MEP1B: variants seen among roughly 807,000 people sequenced by gnomAD.
MEP1B encodes the protein meprin A subunit beta.
Under a neutral mutation model 84.6 loss-of-function variants are expected in MEP1B, and 80 were observed. The ratio of observed to expected loss-of-function variants is 0.95; its 90% CI spans 0.79 to 1.14. MEP1B has a LOEUF of 1.14. MEP1B is among the 50% of genes most tolerant of loss of function. MEP1B has a pLI of 0.00. For synonymous variants in MEP1B, 273 were observed against 288.1 expected (o/e 0.95, Z 0.53); for missense variants, 766 against 855.1 (o/e 0.90, Z 1.30).
chr18:32,195,544 T>C (rs371959992), intron 5 of MEP1B, 59 bp downstream of exon 5: 6 of 1,188,494 alleles, frequency 5.0e-6, no homozygotes, highest in South Asian at 1.3e-5. Flanking sequence ...AATATGATTA[T>C]AGTGTTTCAA....
At chr18:32,204,650 A>G (rs2040946694) in intron 7 of MEP1B, among the ~76,000 whole-genome samples, 1 of 152,168 alleles carries the variant, frequency 6.6e-6, no homozygotes, top group Non-Finnish European at 1.5e-5. Flanking sequence ...TAGTTTTGCA[A>G]ATCCCCAAGT....
chr18:32,202,300 C>T lies in MEP1B; in HGVS notation c.251-593C>T, dbSNP rs146091762. 1.9e-3 allele frequency among the ~76,000 whole-genome samples: 291 copies of T among 152,278 alleles called. 1 individual carries two copies. Among genetic ancestry groups the T allele is most frequent in the Non-Finnish European group, 3.2e-3 (216 of 68,022 alleles). On this transcript the variant is annotated intron_variant, in intron 5 of 14. Transcript: ENST00000269202. ...TTCCTGCATGTTGTTTCTTCCACAC[C>T]TCTGCCTTCTTTGAGCTCCATATCC... is the stretch of plus-strand genomic sequence containing the variant.
chr18:32,215,746 C>A lies in MEP1B; in HGVS notation c.1759+485C>A, dbSNP rs759380153. Reference sequence around the variant, plus strand: ...GGCTGAGGCAGGAGAATGGTGTGAACCCGGGAGGCGGAGCTTGCAGTGAGC... The same window carrying A: ...GGCTGAGGCAGGAGAATGGTGTGAAACCGGGAGGCGGAGCTTGCAGTGAGC... On this transcript the variant is annotated intron_variant, in intron 12 of 14. Transcript: ENST00000269202. Among the ~76,000 whole-genome samples the A allele has an allele frequency of 2.2e-4, 33 of 152,216 alleles. 1 individual carries two copies. Among genetic ancestry groups the A allele is most frequent in the Middle Eastern group, 6.8e-3 (2 of 294 alleles).
chr18:32,204,216 A>T lies in MEP1B; in HGVS notation c.403A>T (p.Lys135Ter). ...TTCAGTAGGAAATAGGCGGGTTGGG[A>T]AGCAAGAACTTTCCATCGGGGCAAA... is the stretch of plus-strand genomic sequence containing the variant. ...WSSVGNRRVGKQELSIGANCD... is the reference protein window; with the variant it reads ...WSSVGNRRVG Residue 135 changes from lysine (K) to a stop codon, truncating the protein, a stop_gained, in exon 7 of 15, where the codon AAG (lysine) becomes TAG (stop). Coordinates refer to ENST00000269202, the MANE Select transcript of MEP1B (RefSeq NM_005925.3). LOFTEE classifies it high-confidence loss of function. 6.2e-7 allele frequency: 1 copy of T among 1,606,458 alleles called. No homozygotes were observed. Among genetic ancestry groups the T allele is most frequent in the Non-Finnish European group, 8.5e-7 (1 of 1,176,706 alleles).
Position 32,192,664 on chromosome 18 carries a change from A to G in MEP1B, c.101A>G (p.Asp34Gly). 1 of 1,613,366 alleles carries G rather than the reference A, an allele frequency of 6.2e-7. No individual in the cohort carries two copies. The highest frequency in any genetic ancestry group is 8.5e-7 in the Non-Finnish European group (1 of 1,179,458). The change falls in exon 3 of 15, where the codon GAC (aspartate) becomes GGC (glycine). Residue 34 changes from aspartate (D) to glycine (G), a missense_variant. By Grantham distance (94) the Asp-to-Gly change is moderately conservative (BLOSUM62 -1). Transcript: ENST00000269202. ...ATCAAAGATGTAGATGGCGGAATGG[A>G]CCAGGACATATTTGATATCAATGAA... ...PENFDVDGGM[D>G]QDIFDINEGL... is the part of the protein sequence containing the mutation.
chr18:32,208,028 C>G (rs2040983513), intron 8 of MEP1B, 91 bp from the exon 9 acceptor site: 19 of 1,358,302 alleles, frequency 1.4e-5, no homozygotes, highest in Non-Finnish European at 2.0e-5. Flanking sequence ...TAATACCAAC[C>G]TGGCATTTCT....
chr18:32,192,812 G>C lies in MEP1B; in HGVS notation c.166G>C (p.Asp56His), dbSNP rs1158542675. The change falls in exon 4 of 15, where the codon GAT becomes CAT. Residue 56 changes from aspartate (D) to histidine (H), a missense_variant. Transcript: ENST00000269202. ...LDLFEGDIRL[D>H]RAQIRNSIIG... ...TCTTTTTGAGGGTGACATCAGACTT[G>C]ATAGGGTGAGTTGAAACAGTATAAG... The C allele has an allele frequency of 6.2e-7, 1 of 1,611,824 alleles. No homozygotes were observed. The highest frequency in any genetic ancestry group is 8.5e-7 in the Non-Finnish European group (1 of 1,178,660).
intron 7 of MEP1B, among the ~76,000 whole-genome samples, 161 bp from the exon 8 acceptor site, chr18:32,207,090 GC>G (rs1330808440): frequency 6.6e-6 from 1 of 152,180 alleles, no homozygotes. Context: ...ACAGTTCTAA[GC>G]TTGAATATTA....
intron 5 of MEP1B, among the ~76,000 whole-genome samples, chr18:32,197,219 A>G (rs1224128357): frequency 2.0e-5 from 3 of 152,166 alleles, no homozygotes; most frequent in Non-Finnish European, 4.4e-5. Flanking sequence ...TCCAAAACTA[A>G]GAACAGCTTT....
chr18:32,206,023 C>G (rs1333212796), intron 7 of MEP1B, among the ~76,000 whole-genome samples: 1 of 151,992 alleles, frequency 6.6e-6, no homozygotes, highest in Non-Finnish European at 1.5e-5. Flanking sequence ...GCTCTGTTGC[C>G]CAGGCTGGAG....
At chr18:32,193,778 CAG>C (rs1006882770) in intron 4 of MEP1B, among the ~76,000 whole-genome samples, 5 of 152,160 alleles carry the variant, frequency 3.3e-5, no homozygotes, top group Non-Finnish European at 7.4e-5. Flanking sequence ...CCCCAGGAAA[CAG>C]AGCTGCAGTC....
chr18:32,190,168 T>C, intron 1 of MEP1B, 35 bp downstream of exon 1: 2 of 1,529,562 alleles, frequency 1.3e-6, no homozygotes, highest in South Asian at 2.4e-5. Flanking sequence ...AATTTAAAAA[T>C]TTTGGGGCAG....
intron 7 of MEP1B, among the ~76,000 whole-genome samples, 182 bp from the exon 8 acceptor site, chr18:32,207,070 T>G (rs1408326203): frequency 3.9e-5 from 6 of 152,250 alleles, no homozygotes; most frequent in Non-Finnish European, 7.3e-5. Context: ...TCAGTGTGAC[T>G]GCTGGTATCA....
intron 2 of MEP1B, 72 bp from the exon 3 acceptor site, chr18:32,192,574 T>C (rs2040812550): frequency 1.4e-6 from 2 of 1,424,928 alleles, no homozygotes; most frequent in Non-Finnish European, 2.0e-6. Context: ...GTTCTGATTA[T>C]ATAAATGATA....
chr18:32,212,905 A>G (rs2041042421), intron 10 of MEP1B, among the ~76,000 whole-genome samples: 1 of 152,200 alleles, frequency 6.6e-6, no homozygotes, highest in Non-Finnish European at 1.5e-5. Flanking sequence ...CAGCTAGACA[A>G]ACGTTCAGCT....
intron 2 of MEP1B, among the ~76,000 whole-genome samples, chr18:32,192,120 A>T (rs1175942465): frequency 6.6e-6 from 1 of 152,066 alleles, no homozygotes; most frequent in South Asian, 2.1e-4. Flanking sequence ...ATTTTGTGTC[A>T]AATCAGATGG....
intron 6 of MEP1B, 120 bp from the exon 7 acceptor site, chr18:32,204,062 A>G: frequency 1.3e-6 from 1 of 783,616 alleles, no homozygotes; most frequent in Non-Finnish European, 2.1e-6. Context: ...CAGTGTTCAG[A>G]TGTAAGAGCA....
At chr18:32,204,460 T>C (rs2040944873) in intron 7 of MEP1B, 100 bp downstream of exon 7, 2 of 950,198 alleles carry the variant, frequency 2.1e-6, no homozygotes, top group Non-Finnish European at 1.6e-6. Context: ...ATTTTAAAAC[T>C]TTGATGTTTT....
At position 32,204,333 on chromosome 18, in the gene MEP1B, A is replaced by T. The variant is rs749984756; in HGVS notation, c.520A>T (p.Arg174Trp). The T allele has an allele frequency of 1.9e-6, 3 of 1,599,214 alleles. No homozygotes were observed. The highest frequency in any genetic ancestry group is 2.6e-6 in the Non-Finnish European group (3 of 1,172,996). Residue 174 changes from arginine to tryptophan, a missense_variant, in exon 7 of 15, where the codon AGG becomes TGG. Physicochemically the swap from Arg to Trp is moderately radical, Grantham distance 101 (BLOSUM62 -3). Transcript: ENST00000269202. Reference protein sequence around the residue: ...QSRSDRDDYVRIMWDRILSGR... With the variant: ...QSRSDRDDYVWIMWDRILSGR... ...GCGTTCTGACCGGGATGACTATGTC[A>T]GGATAATGTGGGACAGAATTCTGTC...
Sources: gnomAD v4.1 joint callset for allele counts (sites outside exome capture counted in the v4.1 genomes callset) on GRCh38, gnomAD v4.1.1 for gene constraint, MANE v1.5 for transcripts, NCBI Gene and HGNC (gene_info 2026-07-23, HGNC 2026-07-21) for gene names.